Variants in AGPAT3 observed in about 807,000 individuals in gnomAD.
AGPAT3 encodes the protein 1-acylglycerol-3-phosphate O-acyltransferase 3, also known as 1-acyl-sn-glycerol-3-phosphate acyltransferase gamma.
A neutral mutation model predicts 47.3 loss-of-function variants in AGPAT3; 5 were observed. The ratio of observed to expected loss-of-function variants is 0.11; its 90% CI spans 0.06 to 0.22. AGPAT3 has a LOEUF of 0.22. AGPAT3 is among the 10% of genes least tolerant of loss of function. AGPAT3 has a pLI of 1.00. For missense variants in AGPAT3, 315 were observed against 493.0 expected (o/e 0.64, Z 3.42); for synonymous variants, 212 against 208.3 (o/e 1.02, Z -0.15).
Position 43,982,279 on chromosome 21 carries a change from T to TTC in AGPAT3, c.1043-14_1043-13dup. 1.9e-6 allele frequency: 3 copies of TTC among 1,574,882 alleles called. No individual in the cohort carries two copies. The highest frequency in any genetic ancestry group is 1.7e-5 in the Admixed American group (1 of 57,836). Reference sequence around the variant, plus strand: ...AAGGCAAAGTCATCCGTCTCACCTCTTCTCTCTCTCTCCTGTCTTGAAAGC... The same window carrying TTC: ...AAGGCAAAGTCATCCGTCTCACCTCTTCTCTCTCTCTCTCCTGTCTTGAAAGC... On this transcript the variant is annotated intron_variant, in intron 9 of 9. Transcript: ENST00000291572. The surrounding 1 kb of genome is among the most constrained non-coding windows in gnomAD (Gnocchi z 6.2).
intron 1 of AGPAT3, among the ~76,000 whole-genome samples, chr21:43,881,228 C>T (rs1355147757): frequency 6.6e-6 from 1 of 152,024 alleles, no homozygotes; most frequent in African/African-American, 2.4e-5. Context: ...GGGAGTGGGT[C>T]AATTTTTTCT....
At chr21:43,889,383 A>T (rs150153190) in intron 1 of AGPAT3, among the ~76,000 whole-genome samples, 14 of 151,668 alleles carry the variant, frequency 9.2e-5, no homozygotes, top group African/African-American at 3.1e-4. Context: ...AATCACAATC[A>T]TGATTGGATG....
chr21:43,886,055 C>A (rs11700773), intron 1 of AGPAT3, among the ~76,000 whole-genome samples: 1 of 152,136 alleles, frequency 6.6e-6, no homozygotes. Flanking sequence ...GAAGCCGAAG[C>A]CTGCAAAGGG....
In AGPAT3 at chr21:43,957,951, C is replaced by T. The variant is rs116873733; in HGVS notation, c.-48-1683C>T. Among the ~76,000 whole-genome samples the T allele has an allele frequency of 3.0e-3, 455 of 152,290 alleles. 1 individual carries two copies. The highest frequency in any genetic ancestry group is 5.6e-3 in the Non-Finnish European group (382 of 68,020). Reference sequence around the variant, plus strand: ...AGAAGGAAAGGGGGAGCCGGTGGAGCCCCTGGGGAGTCGCTCCTTTTGTGC... The same window carrying T: ...AGAAGGAAAGGGGGAGCCGGTGGAGTCCCTGGGGAGTCGCTCCTTTTGTGC... On this transcript the variant is annotated intron_variant, in intron 2 of 9. Coordinates refer to ENST00000291572, the MANE Select transcript of AGPAT3 (RefSeq NM_020132.5).
At chr21:43,971,367 C>T in intron 6 of AGPAT3, 21 bp from the exon 7 acceptor site, 1 of 1,610,498 alleles carries the variant, frequency 6.2e-7, no homozygotes, top group African/African-American at 1.3e-5. Context: ...GGGTCATTCA[C>T]CCTCCCGTCT....
At chr21:43,918,685 C>T (rs2146168141) in intron 2 of AGPAT3, among the ~76,000 whole-genome samples, 1 of 151,736 alleles carries the variant, frequency 6.6e-6, no homozygotes, top group East Asian at 1.9e-4. Context: ...CTCCCGGGTT[C>T]CAGTGATTCT....
intron 7 of AGPAT3, among the ~76,000 whole-genome samples, chr21:43,973,685 C>T (rs1179699707): frequency 7.2e-5 from 11 of 152,264 alleles, no homozygotes; most frequent in Non-Finnish European, 4.4e-5. Flanking sequence ...CTCACCGCTT[C>T]GCTGTTTGAG....
chr21:43,957,935 G>C (rs2088572652), intron 2 of AGPAT3, among the ~76,000 whole-genome samples: 1 of 152,210 alleles, frequency 6.6e-6, no homozygotes, highest in Non-Finnish European at 1.5e-5. Context: ...TAGAAGGAAA[G>C]GGGGAGCCGG....
In AGPAT3 at chr21:43,955,103, G is replaced by A. The variant is rs954843665; in HGVS notation, c.-48-4531G>A. 1.9e-5 allele frequency: 24 copies of A among 1,268,644 alleles called. No individual in the cohort carries two copies. The highest frequency in any genetic ancestry group is 1.8e-4 in the East Asian group (3 of 16,772). 78.6% of individuals were successfully genotyped at this position (1,268,644 alleles called of 1,614,324 possible). A position where few individuals can be genotyped will look rare whatever the true frequency, so the allele number is the denominator to read the frequency against. On this transcript the variant is annotated intron_variant, in intron 2 of 9. Coordinates refer to ENST00000291572, the MANE Select transcript of AGPAT3 (RefSeq NM_020132.5). The surrounding 1 kb of genome is among the most constrained non-coding windows in gnomAD (Gnocchi z 4.1). ...GCCTGTCGGCAGGGAGCGTATCACC[G>A]TGGCACGTCCATGCCGTGGGGGTCA... is the stretch of plus-strand genomic sequence containing the variant.
intron 3 of AGPAT3, among the ~76,000 whole-genome samples, chr21:43,964,431 G>A (rs1450653758): frequency 6.6e-6 from 1 of 151,504 alleles, no homozygotes; most frequent in Non-Finnish European, 1.5e-5. Context: ...CCTGACCTCA[G>A]GTGATCCGCC....
chr21:43,914,878 TAATTCTATAA>T (rs2086695043), intron 2 of AGPAT3, among the ~76,000 whole-genome samples: 1 of 152,224 alleles, frequency 6.6e-6, no homozygotes, highest in Non-Finnish European at 1.5e-5. Context: ...AAGTCTTTCT[TAATTCTATAA>T]AATTCTATAA....
At chr21:43,909,227 G>A (rs1410064372) in intron 2 of AGPAT3, among the ~76,000 whole-genome samples, 9 of 151,990 alleles carry the variant, frequency 5.9e-5, no homozygotes, top group Admixed American at 2.6e-4. Flanking sequence ...CAGGCCCCTC[G>A]GTCCATGGCC....
At chr21:43,899,757 G>A (rs1421616215) in intron 1 of AGPAT3, among the ~76,000 whole-genome samples, 2 of 152,206 alleles carry the variant, frequency 1.3e-5, no homozygotes, top group African/African-American at 4.8e-5. Flanking sequence ...GTGTGCAGCA[G>A]CTGCCTCGGC....
rs1339971011 is a variant in AGPAT3 at position 43,959,655 on chromosome 21, G to T, written c.-27G>T. 6.2e-7 allele frequency: 1 copy of T among 1,609,676 alleles called. No individual in the cohort carries two copies. Among genetic ancestry groups the T allele is most frequent in the Admixed American group, 1.7e-5 (1 of 60,006 alleles). On this transcript the variant is annotated 5_prime_UTR_variant, in exon 3 of 10. Coordinates refer to ENST00000291572, the MANE Select transcript of AGPAT3 (RefSeq NM_020132.5). ...GCAGGACGGCTGTCCTCAGCGAGGG[G>T]CCGTGCACCCGCTCCTGAGCAGCGC...
rs754838049 is a variant in AGPAT3 at position 43,981,060 on chromosome 21, G to A, written c.915G>A (p.Pro305=). ...AGCAGTTTAAGCCTGCCCGGAGGCCGTGGACCCTCCTGAACTTCCTGTCCT... is the reference window on the plus strand; with the variant it reads ...AGCAGTTTAAGCCTGCCCGGAGGCCATGGACCCTCCTGAACTTCCTGTCCT... ...PGEQFKPARR[P]WTLLNFLSWA... is the part of the protein sequence containing the mutation. The change falls in exon 9 of 10, where the codon CCG becomes CCA. Residue 305 remains proline (P), a synonymous_variant. Coordinates refer to ENST00000291572, the MANE Select transcript of AGPAT3 (RefSeq NM_020132.5). The surrounding 1 kb of genome is among the most constrained non-coding windows in gnomAD (Gnocchi z 5.3). 38 of 1,614,068 alleles carry A rather than the reference G, an allele frequency of 2.4e-5. No individual in the cohort carries two copies. In the Middle Eastern group the frequency reaches 6.6e-4, roughly 28 times the overall value.
rs541197851 is a variant in AGPAT3, at chr21:43,984,049, G to C, written c.*1657G>C. ...TCTGTGGGGGCCGTGCTCTCAGGGC[G>C]TGTGCGGGACGCCACCTGTGCACAC... On this transcript the variant is annotated 3_prime_UTR_variant, in exon 10 of 10. Coordinates refer to ENST00000291572, the MANE Select transcript of AGPAT3 (RefSeq NM_020132.5). The C allele has an allele frequency of 6.6e-6, 1 of 152,296 alleles. No homozygotes were observed. Among genetic ancestry groups the C allele is most frequent in the African/African-American group, 2.4e-5 (1 of 41,470 alleles). 9.4% of individuals were successfully genotyped at this position (152,296 alleles called of 1,614,324 possible). A position where few individuals can be genotyped will look rare whatever the true frequency, so the allele number is the denominator to read the frequency against.
rs117678465 is a variant in AGPAT3 at position 43,944,394 on chromosome 21, G to A, written c.-48-15240G>A. ...AGAGAGAGAGAGGGAAGGTAACAGC[G>A]TGGCCTGTACATCCCTGCCTGCAGG... On this transcript the variant is annotated intron_variant, in intron 2 of 9. Transcript: ENST00000291572. Among the ~76,000 whole-genome samples the A allele has an allele frequency of 4.8e-3, 728 of 152,364 alleles. 3 individuals are homozygous for A. The highest frequency in any genetic ancestry group is 7.6e-3 in the Non-Finnish European group (515 of 68,036).
rs891904901 is a variant in AGPAT3 at position 43,954,638 on chromosome 21, G to A, written c.-48-4996G>A. 1.3e-5 allele frequency: 2 copies of A among 152,410 alleles called. No individual in the cohort carries two copies. Among genetic ancestry groups the A allele is most frequent in the Non-Finnish European group, 2.9e-5 (2 of 68,160 alleles). The allele number at this position is 152,410 out of a possible 1,614,324, so 9.4% of individuals were successfully genotyped here. A position where few individuals can be genotyped will look rare whatever the true frequency, so the allele number is the denominator to read the frequency against. ...AGGCTGTGGGCCGTGCAGACAGCTG[G>A]GGGACACCGTCCCGGGTGTGACCTT... On this transcript the variant is annotated intron_variant, in intron 2 of 9. Coordinates refer to ENST00000291572, the MANE Select transcript of AGPAT3 (RefSeq NM_020132.5). This position sits in a 1 kb window ranked among gnomAD's most constrained non-coding sequence, Gnocchi z 4.0.
chr21:43,880,072 G>A lies in AGPAT3; in HGVS notation c.-112+14727G>A, dbSNP rs1053139484. Among the ~76,000 whole-genome samples, 22 of 152,212 alleles carry A rather than the reference G, an allele frequency of 1.4e-4. No individual in the cohort carries two copies. Among genetic ancestry groups the A allele is most frequent in the African/African-American group, 4.3e-4 (18 of 41,454 alleles). ...GAGGACGCAGCCCTGCATCCCTTGC[G>A]TCCCCAGGCATCTTAGGAGCACTGT... On this transcript the variant is annotated intron_variant, in intron 1 of 9. Transcript: ENST00000291572. This position sits in a 1 kb window ranked among gnomAD's most constrained non-coding sequence, Gnocchi z 4.5.
Sources: gnomAD v4.1 joint callset for allele counts (sites outside exome capture counted in the v4.1 genomes callset) on GRCh38, gnomAD v4.1.1 for gene constraint, Gnocchi (gnomAD v3.1) non-coding constraint, MANE v1.5 for transcripts, NCBI Gene and HGNC (gene_info 2026-07-23, HGNC 2026-07-21) for gene names.